CFAP70: variants seen among roughly 807,000 people sequenced by gnomAD.
CFAP70 encodes the protein cilia and flagella associated protein 70, also known as cilia- and flagella-associated protein 70.
CFAP70 carries 81 observed loss-of-function variants against 137.6 expected under a neutral mutation model. That is an observed-to-expected ratio of 0.59 (90% CI 0.49 to 0.71). The LOEUF is 0.71. CFAP70 is among the 30% of genes least tolerant of loss of function. The probability of loss-of-function intolerance (pLI) is 0.00; values close to 1 mark genes in which losing one functional copy is unlikely to be tolerated. For missense variants in CFAP70, 976 were observed against 1,226.7 expected (o/e 0.80, Z 3.05); for synonymous variants, 382 against 423.6 (o/e 0.90, Z 1.20).
At chr10:73,359,426 G>C (rs1452253459), upstream of CFAP70, among the ~76,000 whole-genome samples, 1 of 152,012 alleles carries the variant, frequency 6.6e-6, no homozygotes, top group South Asian at 2.1e-4. Context: ...AATTTTAGCA[G>C]TATATATACT....
upstream of CFAP70, among the ~76,000 whole-genome samples, chr10:73,362,908 T>C (rs1249214802): frequency 6.7e-6 from 1 of 149,258 alleles, no homozygotes; most frequent in Non-Finnish European, 1.5e-5. Flanking sequence ...GTGTCTGTCA[T>C]ACATGGTCTT....
intron 3 of CFAP70, among the ~76,000 whole-genome samples, chr10:73,349,212 G>C (rs2053983296): frequency 6.6e-6 from 1 of 151,962 alleles, no homozygotes; most frequent in African/African-American, 2.4e-5. Context: ...TTGATCTTAA[G>C]AATGGCTAAA....
At chr10:73,341,417 T>G in exon 6 of CFAP70, 2 of 1,612,876 alleles carry the variant, frequency 1.2e-6, no homozygotes, top group South Asian at 2.2e-5. Context: ...GGTTGAGTTC[T>G]CCTTCTTCTT....
At chr10:73,289,144 T>A (rs775132603) in intron 19 of CFAP70, among the ~76,000 whole-genome samples, 3 of 152,112 alleles carry the variant, frequency 2.0e-5, no homozygotes, top group Non-Finnish European at 4.4e-5. Flanking sequence ...TCCAGGCTAA[T>A]AGAATTGATT....
chr10:73,256,522 C>A, intron 25 of CFAP70, 106 bp from the exon 27 acceptor site: 1 of 1,056,172 alleles, frequency 9.5e-7, no homozygotes, highest in Non-Finnish European at 1.4e-6. Context: ...AAGGCAGAGG[C>A]TTCTACACCT....
At chr10:73,296,295 C>T (rs199886771) in intron 15 of CFAP70, 1 of 152,278 alleles carries the variant, frequency 6.6e-6, no homozygotes, top group East Asian at 1.9e-4. Context: ...TCATCCATGC[C>T]CAAGGCAGGA....
At chr10:73,278,870 A>G (rs187434183) in intron 19 of CFAP70, among the ~76,000 whole-genome samples, 47 of 151,510 alleles carry the variant, frequency 3.1e-4, no homozygotes, top group African/African-American at 1.0e-3. Flanking sequence ...AGTCCCAGCT[A>G]CTCGGGAGGC....
intron 4 of CFAP70, chr10:73,345,151 C>A: frequency 3.1e-6 from 5 of 1,614,142 alleles, no homozygotes; most frequent in Non-Finnish European, 4.2e-6. Context: ...GAGTAAGCAG[C>A]CTCCAACGTG....
At chr10:73,339,697 G>A (rs1471376068) in intron 6 of CFAP70, among the ~76,000 whole-genome samples, 2 of 152,238 alleles carry the variant, frequency 1.3e-5, no homozygotes, top group African/African-American at 4.8e-5. Flanking sequence ...GTCAGCACAG[G>A]TGCCAGCTCC....
chr10:73,279,567 AAATAT>A (rs1385166256), intron 19 of CFAP70, among the ~76,000 whole-genome samples: 1 of 131,496 alleles, frequency 7.6e-6, no homozygotes, highest in African/African-American at 3.0e-5. Context: ...ATAAATAAAT[AAATAT>A]AAGAAGTTGG....
intron 5 of CFAP70, 61 bp from the exon 7 acceptor site, chr10:73,341,642 G>C: frequency 7.2e-7 from 1 of 1,394,734 alleles, no homozygotes; most frequent in Non-Finnish European, 1.0e-6. Flanking sequence ...TGGACAAGAA[G>C]ATTATTCAAG....
chr10:73,332,333 T>C (rs1024710747), intron 7 of CFAP70, among the ~76,000 whole-genome samples: 3 of 152,184 alleles, frequency 2.0e-5, no homozygotes, highest in African/African-American at 7.2e-5. Context: ...TACCCTCATA[T>C]TTCAGGCAGG....
At chr10:73,327,563 T>C (rs1170072954) in intron 8 of CFAP70, among the ~76,000 whole-genome samples, 57 of 151,848 alleles carry the variant, frequency 3.8e-4, no homozygotes, top group African/African-American at 1.3e-3. Flanking sequence ...TGTTTGCAGA[T>C]GACATGATTG....
intron 4 of CFAP70, among the ~76,000 whole-genome samples, chr10:73,347,809 G>A (rs149399621): frequency 6.6e-6 from 1 of 152,252 alleles, no homozygotes; most frequent in East Asian, 1.9e-4. Flanking sequence ...AGTATATGAG[G>A]TGCTTTCATA....
At chr10:73,260,680 T>G (rs755996164) in intron 25 of CFAP70, among the ~76,000 whole-genome samples, 1 of 152,202 alleles carries the variant, frequency 6.6e-6, no homozygotes, top group Non-Finnish European at 1.5e-5. Flanking sequence ...ATTGATCTAT[T>G]TTCCTTATTT....
chr10:73,345,213 G>T, intron 4 of CFAP70: 1 of 1,614,086 alleles, frequency 6.2e-7, no homozygotes, highest in Non-Finnish European at 8.5e-7. Context: ...TAAAGGCTCT[G>T]CCACTAATAC....
intron 26 of CFAP70, chr10:73,254,265 TTCA>T (rs2044246951): frequency 2.6e-6 from 1 of 381,010 alleles, no homozygotes; most frequent in Non-Finnish European, 4.7e-6. Flanking sequence ...TTTGTGAAAA[TTCA>T]TCAAGCACTA....
Position 73,305,009 on chromosome 10 carries a change from G to A in CFAP70, c.1256+5149C>T, listed in dbSNP as rs144735744. 4.1e-4 allele frequency among the ~76,000 whole-genome samples: 62 copies of A among 152,286 alleles called. 1 individual carries two copies. The highest frequency in any genetic ancestry group is 6.6e-4 in the Non-Finnish European group (45 of 68,020). ...TGGCATTTTTACTTGCTCTTGCTCC[G>A]CTGCACACCGCATCCCCAGCTCAGC... On this transcript the variant is annotated intron_variant, in intron 12 of 26. Transcript: ENST00000310715.
intron 3 of CFAP70, among the ~76,000 whole-genome samples, chr10:73,352,566 C>T (rs537137031): frequency 6.6e-6 from 1 of 152,034 alleles, no homozygotes; most frequent in Non-Finnish European, 1.5e-5. Flanking sequence ...AAAAGAAAAC[C>T]CAAAGAACTC....
Sources: gnomAD v4.1 joint callset for allele counts (sites outside exome capture counted in the v4.1 genomes callset) on GRCh38, gnomAD v4.1.1 for gene constraint, MANE v1.5 for transcripts, NCBI Gene and HGNC (gene_info 2026-07-23, HGNC 2026-07-21) for gene names.